The following WWOX variants were observed in gnomAD, a reference collection of about 807,000 sequenced individuals.
WWOX encodes the protein WW domain-containing oxidoreductase.
A neutral mutation model predicts 46.2 loss-of-function variants in WWOX; 69 were observed. The ratio of observed to expected loss-of-function variants is 1.49; its 90% CI spans 1.23 to 1.82. The LOEUF (loss-of-function observed/expected upper bound fraction) is 1.82. Among genes scored for constraint, WWOX ranks in the 40% most tolerant of loss-of-function variants. The probability of loss-of-function intolerance (pLI) is 0.00; values close to 1 mark genes in which losing one functional copy is unlikely to be tolerated. For missense variants in WWOX, 919 were observed against 542.6 expected (o/e 1.69, Z -6.89); for synonymous variants, 359 against 202.6 (o/e 1.77, Z -6.56).
chr16:79,065,652 A>G (rs2048427830), intron 8 of WWOX, among the ~76,000 whole-genome samples: 1 of 152,238 alleles, frequency 6.6e-6, no homozygotes. Context: ...TCTTAGCTGA[A>G]TTCAGACCCC....
intron 8 of WWOX, among the ~76,000 whole-genome samples, chr16:78,530,221 C>T (rs187133262): frequency 1.3e-5 from 2 of 152,156 alleles, no homozygotes; most frequent in Non-Finnish European, 1.5e-5. Context: ...ACAGTCAGTG[C>T]TCTTTTAGTT....
intron 8 of WWOX, among the ~76,000 whole-genome samples, chr16:79,041,034 G>A (rs1384059134): frequency 2.0e-5 from 3 of 151,798 alleles, no homozygotes; most frequent in Non-Finnish European, 1.5e-5. Flanking sequence ...TCACCGTTCT[G>A]AGCTTCAGTC....
chr16:78,942,504 C>T (rs887985915), intron 8 of WWOX, among the ~76,000 whole-genome samples: 22 of 152,030 alleles, frequency 1.4e-4, no homozygotes, highest in African/African-American at 4.6e-4. Flanking sequence ...AATTGATTCC[C>T]GTAGCTCTCT....
At chr16:78,520,684 G>A (rs72801982) in intron 8 of WWOX, among the ~76,000 whole-genome samples, 10,035 of 152,016 alleles carry the variant, frequency 0.066, 438 homozygotes, top group South Asian at 0.21. Flanking sequence ...ATGAAGTCTA[G>A]GGTACGTGGG....
At chr16:78,374,671 C>G (rs769976964) in intron 5 of WWOX, among the ~76,000 whole-genome samples, 1 of 151,438 alleles carries the variant, frequency 6.6e-6, no homozygotes, top group Non-Finnish European at 1.5e-5. Flanking sequence ...GCCTCAGCCT[C>G]CCGAGTAGCT....
intron 8 of WWOX, among the ~76,000 whole-genome samples, chr16:78,599,063 TGTTTC>T (rs1306783623): frequency 6.6e-6 from 1 of 152,146 alleles, no homozygotes; most frequent in Non-Finnish European, 1.5e-5. Flanking sequence ...GCTCACAGTT[TGTTTC>T]ATGTCAGGAA....
chr16:78,172,307 C>T (rs1011600301), intron 5 of WWOX, among the ~76,000 whole-genome samples: 6 of 152,170 alleles, frequency 3.9e-5, no homozygotes, highest in Non-Finnish European at 5.9e-5. Flanking sequence ...ACTTCCTTTT[C>T]GAGTAGTATA....
In WWOX at chr16:78,837,548, A is replaced by T. The variant is rs142141055; in HGVS notation, c.1057-374060A>T. On this transcript the variant is annotated intron_variant, in intron 8 of 8. Transcript: ENST00000566780. ...TCTCAGGAGTGGGATACTTTTTTTTATTATTATTTTTTATTTTCTAGCAGT... is the reference window on the plus strand; with the variant it reads ...TCTCAGGAGTGGGATACTTTTTTTTTTTATTATTTTTTATTTTCTAGCAGT... Among the ~76,000 whole-genome samples, 882 of 152,128 alleles carry T rather than the reference A, an allele frequency of 5.8e-3. 6 individuals are homozygous for T. Among genetic ancestry groups the T allele is most frequent in the African/African-American group, 0.02 (837 of 41,520 alleles).
chr16:78,848,455 G>C (rs1286060713), intron 8 of WWOX, among the ~76,000 whole-genome samples: 3 of 152,176 alleles, frequency 2.0e-5, no homozygotes, highest in Non-Finnish European at 4.4e-5. Context: ...GTGTTTATCA[G>C]CTCACACCAA....
chr16:79,007,426 G>A (rs894293870), intron 8 of WWOX, among the ~76,000 whole-genome samples: 2 of 152,200 alleles, frequency 1.3e-5, no homozygotes, highest in African/African-American at 4.8e-5. Context: ...CACTCAGGCT[G>A]CCTTCGAAAG....
At chr16:78,736,992 A>G (rs1464786541) in intron 8 of WWOX, among the ~76,000 whole-genome samples, 1 of 152,204 alleles carries the variant, frequency 6.6e-6, no homozygotes, top group East Asian at 1.9e-4. Flanking sequence ...CAATAAAGAG[A>G]CTAGGTTTGC....
At chr16:78,660,199 A>G (rs2047179129) in intron 8 of WWOX, among the ~76,000 whole-genome samples, 1 of 152,110 alleles carries the variant, frequency 6.6e-6, no homozygotes, top group South Asian at 2.1e-4. Context: ...CAGGTTATAT[A>G]AAATATTGTC....
intron 8 of WWOX, among the ~76,000 whole-genome samples, chr16:79,027,292 A>AAT (rs2047665261): frequency 1.3e-5 from 2 of 150,918 alleles, no homozygotes; most frequent in South Asian, 2.1e-4. Flanking sequence ...AAAAAAAAAA[A>AAT]AAGGTAGAGA....
chr16:79,071,370 A>G (rs574805280), intron 8 of WWOX, among the ~76,000 whole-genome samples: 21 of 152,310 alleles, frequency 1.4e-4, no homozygotes, highest in African/African-American at 5.1e-4. Flanking sequence ...AAGCTTTTCA[A>G]CCATTTGAGA....
intron 5 of WWOX, among the ~76,000 whole-genome samples, chr16:78,168,783 A>G (rs2035057470): frequency 6.6e-6 from 1 of 152,316 alleles, no homozygotes; most frequent in South Asian, 2.1e-4. Flanking sequence ...TTTGGGAAGA[A>G]GGAGCTATTT....
chr16:78,177,766 C>T (rs1432072321), intron 5 of WWOX, among the ~76,000 whole-genome samples: 2 of 152,162 alleles, frequency 1.3e-5, no homozygotes, highest in South Asian at 2.1e-4. Flanking sequence ...GATAGACAGA[C>T]ATTTGGGCTG....
At chr16:78,398,404 G>C (rs532694318) in intron 6 of WWOX, among the ~76,000 whole-genome samples, 1 of 152,248 alleles carries the variant, frequency 6.6e-6, no homozygotes, top group East Asian at 1.9e-4. Context: ...AGTTATGTAA[G>C]CATAGATTCC....
intron 6 of WWOX, among the ~76,000 whole-genome samples, chr16:78,390,838 CTT>C (rs984603864): frequency 2.0e-5 from 3 of 152,310 alleles, no homozygotes; most frequent in African/African-American, 7.2e-5. Context: ...GAACCAATCT[CTT>C]TTCACGCTGT....
chr16:78,415,072 TTAATA>T (rs1445727794), intron 6 of WWOX, among the ~76,000 whole-genome samples: 24 of 148,346 alleles, frequency 1.6e-4, no homozygotes, highest in Non-Finnish European at 2.8e-4. Context: ...ATAATATATT[TTAATA>T]TAATATATAT....
Sources: gnomAD v4.1 joint callset for allele counts (sites outside exome capture counted in the v4.1 genomes callset) on GRCh38, gnomAD v4.1.1 for gene constraint, MANE v1.5 for transcripts, NCBI Gene and HGNC (gene_info 2026-07-23, HGNC 2026-07-21) for gene names.